DLD: variants seen among roughly 807,000 people sequenced by gnomAD.
The protein encoded by DLD is dihydrolipoyl dehydrogenase, mitochondrial.
Under a neutral mutation model 62.2 loss-of-function variants are expected in DLD, and 36 were observed. The ratio of observed to expected loss-of-function variants is 0.58; its 90% CI spans 0.44 to 0.76. The LOEUF is 0.76. Among genes scored for constraint, DLD ranks in the 30% least tolerant of loss-of-function variants. The probability of loss-of-function intolerance (pLI) is 0.00; values close to 1 mark genes in which losing one functional copy is unlikely to be tolerated. For synonymous variants in DLD, 204 were observed against 199.6 expected (o/e 1.02, Z -0.19); for missense variants, 541 against 608.6 (o/e 0.89, Z 1.17).
In DLD at chr7:107,919,208, T is replaced by C; in HGVS notation, c.1479T>C (p.Ala493=). The C allele has an allele frequency of 1.2e-6, 2 of 1,613,398 alleles. No homozygotes were observed. The highest frequency in any genetic ancestry group is 1.7e-6 in the Non-Finnish European group (2 of 1,179,624). Residue 493 remains alanine (A), a synonymous_variant, in exon 14 of 14, where the codon GCT becomes GCC. Coordinates refer to ENST00000205402, the MANE Select transcript of DLD (RefSeq NM_000108.5). ...TTCCCTTGCAGACCTTATCAGAAGC[T>C]TTTAGAGAAGCAAATCTTGCTGCGT... The part of the protein sequence containing the change: ...VCHAHPTLSE[A]FREANLAASF...
chr7:107,919,115 A>G lies in DLD; in HGVS notation c.1464+16A>G, dbSNP rs542837065. Reference sequence around the variant, plus strand: ...TGCACATCCGGTAATTATTAACAACATATAGAATTGATGGTTGCCTAAATT... The same window carrying G: ...TGCACATCCGGTAATTATTAACAACGTATAGAATTGATGGTTGCCTAAATT... On this transcript the variant is annotated intron_variant, in intron 13 of 13. Transcript: ENST00000205402. 48 of 1,612,762 alleles carry G rather than the reference A, an allele frequency of 3.0e-5. No homozygotes were observed. The South Asian group carries it at 3.5e-4, about 12-fold the overall frequency.
In DLD at chr7:107,905,023, A is replaced by G. The variant is rs1338595575; in HGVS notation, c.403A>G (p.Thr135Ala). 6.2e-7 allele frequency: 1 copy of G among 1,613,196 alleles called. No homozygotes were observed. Among genetic ancestry groups the G allele is most frequent in the South Asian group, 1.1e-5 (1 of 91,052 alleles). ...GAAGAGTACTGCAGTAAAAGCTTTA[A>G]CAGGTGGAATTGCCCACTTATTCAA... ...EQKSTAVKAL[T>A]GGIAHLFKQN... The change falls in exon 6 of 14, where the codon ACA becomes GCA. Residue 135 changes from threonine (T) to alanine (A), a missense_variant. By Grantham distance (58) the Thr-to-Ala change is moderately conservative (BLOSUM62 0). Transcript: ENST00000205402.
intron 2 of DLD, among the ~76,000 whole-genome samples, chr7:107,895,496 A>G (rs1372663619): frequency 6.6e-6 from 1 of 152,226 alleles, no homozygotes; most frequent in Middle Eastern, 3.2e-3. Flanking sequence ...AACTTACAGC[A>G]CTTATATCAC....
At chr7:107,893,896 T>C (rs2031653462) in intron 2 of DLD, among the ~76,000 whole-genome samples, 1 of 152,230 alleles carries the variant, frequency 6.6e-6, no homozygotes, top group Non-Finnish European at 1.5e-5. Flanking sequence ...CAATTTCATA[T>C]GTTTACATTT....
chr7:107,906,393 A>T (rs769400505), intron 8 of DLD, 25 bp downstream of exon 8: 2 of 1,453,880 alleles, frequency 1.4e-6, no homozygotes, highest in East Asian at 4.5e-5. Context: ...TCTGCCTCTT[A>T]TTACCTCCTT....
intron 11 of DLD, 31 bp downstream of exon 11, chr7:107,917,493 ATGTGTGAGT>A: frequency 6.2e-7 from 1 of 1,607,066 alleles, no homozygotes; most frequent in Non-Finnish European, 8.5e-7. Context: ...TTTTAAGCCA[ATGTGTGAGT>A]TGTGCCAATG....
intron 12 of DLD, 48 bp from the exon 13 acceptor site, chr7:107,918,962 T>TAG (rs2032339741): frequency 2.0e-6 from 3 of 1,467,208 alleles, no homozygotes; most frequent in Non-Finnish European, 2.9e-6. Flanking sequence ...CCTATTAGCA[T>TAG]GTAGTTTTTG....
Position 107,917,414 on chromosome 7 carries a change from C to T in DLD, c.1188C>T (p.His396=), listed in dbSNP as rs780250126. ...GTGTGCCATCAGTGATTTACACACACCCTGAAGTTGCTTGGGTTGGCAAAT... is the reference window on the plus strand; with the variant it reads ...GTGTGCCATCAGTGATTTACACACATCCTGAAGTTGCTTGGGTTGGCAAAT... ...YNCVPSVIYT[H]PEVAWVGKSE... Residue 396 remains histidine, a synonymous_variant, in exon 11 of 14, where the codon CAC becomes CAT. Transcript: ENST00000205402. The T allele has an allele frequency of 2.5e-6, 4 of 1,614,140 alleles. 1 individual carries two copies. In the South Asian group the frequency reaches 4.4e-5, roughly 18 times the overall value.
chr7:107,902,251 A>G, intron 3 of DLD, 74 bp from the exon 4 acceptor site: 1 of 1,267,282 alleles, frequency 7.9e-7, no homozygotes, highest in Non-Finnish European at 1.2e-6. Context: ...AAGAATTAAG[A>G]CATATATTTG....
Position 107,916,832 on chromosome 7 carries a change from C to T in DLD, c.914C>T (p.Thr305Ile). Residue 305 changes from threonine to isoleucine, a missense_variant, in exon 10 of 14, where the codon ACT (threonine) becomes ATT (isoleucine). Thr to Ile is a moderately conservative substitution (Grantham distance 89, BLOSUM62 -1). Transcript: ENST00000205402. ...TCTGGTGGTAAAGCTGAAGTTATCA[C>T]TTGTGATGTACTCTTGGTTTGCATT... ...AASGGKAEVI[T>I]CDVLLVCIGR... 2 of 1,613,158 alleles carry T rather than the reference C, an allele frequency of 1.2e-6. No homozygotes were observed. Among genetic ancestry groups the T allele is most frequent in the Non-Finnish European group, 1.7e-6 (2 of 1,179,866 alleles).
In DLD at chr7:107,915,546, T is replaced by C. The variant is rs2032246916; in HGVS notation, c.725T>C (p.Val242Ala). 4.3e-6 allele frequency: 7 copies of C among 1,613,920 alleles called. No individual in the cohort carries two copies. The highest frequency in any genetic ancestry group is 5.1e-6 in the Non-Finnish European group (6 of 1,179,908). ...AGACTTGGTGCAGATGTGACAGCAG[T>C]TGAATTTTTAGGTCATGTAGGTGGA... ...WQRLGADVTAVEFLGHVGGVG... is the reference protein window; with the variant it reads ...WQRLGADVTAAEFLGHVGGVG... The change falls in exon 9 of 14, where the codon GTT (valine) becomes GCT (alanine). Residue 242 changes from valine to alanine, a missense_variant. Coordinates refer to ENST00000205402, the MANE Select transcript of DLD (RefSeq NM_000108.5).
At chr7:107,893,563 T>C (rs2031645116) in intron 2 of DLD, 2 of 253,702 alleles carry the variant, frequency 7.9e-6, no homozygotes, top group Non-Finnish European at 1.5e-5. Flanking sequence ...AAGCAGGTAA[T>C]AGGGAGGAAG....
At position 107,905,245 on chromosome 7, in the gene DLD, T is replaced by G. The variant is rs1324897769; in HGVS notation, c.439-116T>G. The G allele has an allele frequency of 3.4e-6, 4 of 1,173,638 alleles. No individual in the cohort carries two copies. In the African/African-American group the frequency reaches 4.6e-5, roughly 14 times the overall value. The allele number at this position is 1,173,638 out of a possible 1,614,324, so 72.7% of individuals were successfully genotyped here. On this transcript the variant is annotated intron_variant, in intron 6 of 13. Transcript: ENST00000205402. ...TTGCTGCACCATGGTGTAGCATTAC[T>G]AAGTAAGGAAGCATTTTGTTTTAGA...
rs1449108245 is a variant in DLD at position 107,909,327 on chromosome 7, A to G, written c.684+2959A>G. Among the ~76,000 whole-genome samples, 5 of 152,194 alleles carry G rather than the reference A, an allele frequency of 3.3e-5. No individual in the cohort carries two copies. The East Asian group carries it at 5.8e-4, about 18-fold the overall frequency. On this transcript the variant is annotated intron_variant, in intron 8 of 13. Coordinates refer to ENST00000205402, the MANE Select transcript of DLD (RefSeq NM_000108.5). ...GTTCGTAAATTTTGGAAGTATGACAATTAAGGCATGCAGTCCCATCATCTG... is the reference window on the plus strand; with the variant it reads ...GTTCGTAAATTTTGGAAGTATGACAGTTAAGGCATGCAGTCCCATCATCTG...
At position 107,917,314 on chromosome 7, in the gene DLD, C is replaced by T. The variant is rs776400068; in HGVS notation, c.1088C>T (p.Ala363Val). 1.9e-6 allele frequency: 3 copies of T among 1,614,088 alleles called. No individual in the cohort carries two copies. In the East Asian group the frequency reaches 6.7e-5, roughly 36 times the overall value. ...IGDVVAGPML[A>V]HKAEDEGIIC... ...GATGTAGTTGCTGGTCCAATGCTGG[C>T]TCACAAAGCAGAGGATGAAGGCATT... The change falls in exon 11 of 14, where the codon GCT becomes GTT. Residue 363 changes from alanine to valine, a missense_variant. By Grantham distance (64) the Ala-to-Val change is moderately conservative (BLOSUM62 0). Transcript: ENST00000205402.
intron 1 of DLD, 81 bp downstream of exon 1, chr7:107,891,370 G>C (rs1360118015): frequency 1.3e-6 from 2 of 1,499,166 alleles, no homozygotes; most frequent in East Asian, 2.4e-5. Flanking sequence ...CGGCTTAACC[G>C]TGTTGGGCTG....
chr7:107,903,606 C>T, intron 5 of DLD, 59 bp downstream of exon 5: 2 of 988,374 alleles, frequency 2.0e-6, no homozygotes, highest in Non-Finnish European at 3.2e-6. Flanking sequence ...GCTCTTCTGT[C>T]TAAAGACTTA....
At chr7:107,899,894 G>A (rs1481244742) in intron 2 of DLD, among the ~76,000 whole-genome samples, 1 of 151,762 alleles carries the variant, frequency 6.6e-6, no homozygotes, top group Non-Finnish European at 1.5e-5. Flanking sequence ...AACCTGTTTT[G>A]TAGCTTGTAT....
At chr7:107,893,495 T>A (rs2031643865) in intron 2 of DLD, 3 of 429,474 alleles carry the variant, frequency 7.0e-6, no homozygotes, top group Non-Finnish European at 1.2e-5. Context: ...AATTTGGTGA[T>A]AAAAGACAAA....
Sources: allele counts gnomAD v4.1 joint callset (sites outside exome capture counted in the v4.1 genomes callset), GRCh38; gene constraint gnomAD v4.1.1; transcripts MANE v1.5; gene names NCBI Gene and HGNC (gene_info 2026-07-23, HGNC 2026-07-21).